PATJ: variants seen among roughly 807,000 people sequenced by gnomAD.
The protein encoded by PATJ is PATJ crumbs cell polarity complex component.
PATJ carries 190 observed loss-of-function variants against 224.9 expected under a neutral mutation model. That is an observed-to-expected ratio of 0.84 (90% confidence interval 0.75 to 0.95). PATJ has a LOEUF of 0.95. PATJ is among the 40% of genes least tolerant of loss of function. The probability of loss-of-function intolerance (pLI) is 0.00; values close to 1 mark genes in which losing one functional copy is unlikely to be tolerated. For missense variants in PATJ, 2,121 were observed against 2,270.3 expected (o/e 0.93, Z 1.34); for synonymous variants, 769 against 820.3 (o/e 0.94, Z 1.07).
intron 17 of PATJ, among the ~76,000 whole-genome samples, chr1:61,834,503 T>C (rs574097081): frequency 6.6e-6 from 1 of 152,316 alleles, no homozygotes; most frequent in Admixed American, 6.5e-5. Flanking sequence ...TGTCATATAT[T>C]CAGACTGCTG....
chr1:62,100,551 C>T, intron 33 of PATJ: 1 of 567,266 alleles, frequency 1.8e-6, no homozygotes, highest in Non-Finnish European at 3.3e-6. Flanking sequence ...TTAATACTGT[C>T]ACAATGGCAA....
chr1:62,105,894 A>T (rs191627779), intron 33 of PATJ, among the ~76,000 whole-genome samples: 1 of 151,104 alleles, frequency 6.6e-6, no homozygotes, highest in African/African-American at 2.4e-5. Flanking sequence ...GAATTTGTAT[A>T]GAAGCCCTTT....
chr1:62,122,389 C>G (rs573887755), intron 38 of PATJ, among the ~76,000 whole-genome samples: 8 of 143,648 alleles, frequency 5.6e-5, no homozygotes, highest in African/African-American at 2.1e-4. Context: ...AAAAAAACCA[C>G]ACACACACAC....
chr1:61,763,047 GA>G lies in PATJ; in HGVS notation c.61del (p.Met21Ter). The G allele has an allele frequency of 6.2e-7, 1 of 1,611,300 alleles. No individual in the cohort carries two copies. Among genetic ancestry groups the G allele is most frequent in the Non-Finnish European group, 8.5e-7 (1 of 1,178,454 alleles). ...AGGTGCTGCAGGTACTTGATCGCCT[GA>G]AAATGAAATTGCAGGAGAAGGGTGA... The part of the protein sequence containing the change: ...LQVLQVLDRL[K>X]MKLQEKGDTS... On this transcript the variant is annotated frameshift_variant, in exon 3 of 44. Coordinates refer to ENST00000642238, the MANE Select transcript of PATJ (RefSeq NM_001350145.3). LOFTEE classifies it high-confidence loss of function.
At chr1:61,750,504 C>T (rs935357917) in intron 1 of PATJ, among the ~76,000 whole-genome samples, 2 of 142,378 alleles carry the variant, frequency 1.4e-5, no homozygotes, top group Non-Finnish European at 3.0e-5. Context: ...GGTGTGGTCT[C>T]GGCTCACCAC....
In PATJ at chr1:61,788,101, A is replaced by AG. The variant is rs201377530; in HGVS notation, c.1068+129_1068+130insG. The AG allele has an allele frequency of 7.7e-4, 517 of 667,336 alleles. 3 individuals are homozygous for AG. In the African/African-American group the frequency reaches 8.6e-3, roughly 11 times the overall value. The allele number at this position is 667,336 out of a possible 1,614,324, so 41.3% of individuals were successfully genotyped here. The stretch of plus-strand genomic sequence containing the variant: ...TGCGCTCACTAGTGAAACAGGAAAA[A>AG]AAAAACTTATTGGGAGACATTAGAC... On this transcript the variant is annotated intron_variant, in intron 8 of 43. Coordinates refer to ENST00000642238, the MANE Select transcript of PATJ (RefSeq NM_001350145.3).
intron 42 of PATJ, among the ~76,000 whole-genome samples, chr1:62,152,770 ACG>A (rs908104013): frequency 2.0e-5 from 3 of 152,240 alleles, no homozygotes; most frequent in African/African-American, 7.2e-5. Flanking sequence ...ACTAGGAGAC[ACG>A]CTACCTCTGT....
chr1:61,792,142 T>C (rs935484330), intron 9 of PATJ, among the ~76,000 whole-genome samples: 1 of 152,204 alleles, frequency 6.6e-6, no homozygotes, highest in African/African-American at 2.4e-5. Context: ...AAAATTGTTA[T>C]TTTGCATACT....
intron 15 of PATJ, among the ~76,000 whole-genome samples, chr1:61,827,005 G>A (rs1658387645): frequency 6.6e-6 from 1 of 152,062 alleles, no homozygotes; most frequent in African/African-American, 2.4e-5. Flanking sequence ...CTTATAAAAT[G>A]AAAATGCAAA....
chr1:61,905,170 A>G (rs1422553100), intron 24 of PATJ, among the ~76,000 whole-genome samples: 1 of 152,240 alleles, frequency 6.6e-6, no homozygotes, highest in Non-Finnish European at 1.5e-5. Flanking sequence ...GAAGGCTGGG[A>G]ACTCCAAGAT....
intron 27 of PATJ, among the ~76,000 whole-genome samples, chr1:61,968,627 G>A (rs1682506755): frequency 6.6e-6 from 1 of 151,984 alleles, no homozygotes; most frequent in Non-Finnish European, 1.5e-5. Flanking sequence ...TGTTACATGT[G>A]TATACGTGTG....
At chr1:61,951,569 T>G (rs1183900189) in intron 27 of PATJ, among the ~76,000 whole-genome samples, 1 of 152,178 alleles carries the variant, frequency 6.6e-6, no homozygotes, top group Non-Finnish European at 1.5e-5. Flanking sequence ...GGGGGTGCAC[T>G]GTAGCACTTT....
At chr1:61,992,002 A>G (rs1307900800) in intron 28 of PATJ, among the ~76,000 whole-genome samples, 1 of 152,224 alleles carries the variant, frequency 6.6e-6, no homozygotes, top group Non-Finnish European at 1.5e-5. Flanking sequence ...AACTGGGTAA[A>G]TAGTATACCT....
At chr1:62,076,722 G>A (rs764890242) in intron 31 of PATJ, among the ~76,000 whole-genome samples, 47 of 152,178 alleles carry the variant, frequency 3.1e-4, no homozygotes, top group South Asian at 2.1e-4. Context: ...TAGAAAAGTC[G>A]TAATTTAGTA....
At chr1:62,082,627 C>T (rs963067406) in intron 32 of PATJ, among the ~76,000 whole-genome samples, 3 of 152,096 alleles carry the variant, frequency 2.0e-5, no homozygotes, top group East Asian at 1.9e-4. Flanking sequence ...GCCACACAAC[C>T]GCTATTGCAG....
At chr1:62,043,876 C>T (rs186976705) in intron 30 of PATJ, among the ~76,000 whole-genome samples, 1 of 152,162 alleles carries the variant, frequency 6.6e-6, no homozygotes, top group East Asian at 1.9e-4. Context: ...TATAGGCACG[C>T]ACCACCATAC....
chr1:62,001,936 G>A (rs1409666352), intron 28 of PATJ, among the ~76,000 whole-genome samples: 2 of 152,172 alleles, frequency 1.3e-5, no homozygotes, highest in Non-Finnish European at 2.9e-5. Flanking sequence ...ACAGCCCAGA[G>A]TTTTTAAAGC....
intron 24 of PATJ, among the ~76,000 whole-genome samples, chr1:61,903,679 T>C (rs1671490796): frequency 6.6e-6 from 1 of 152,196 alleles, no homozygotes; most frequent in Non-Finnish European, 1.5e-5. Flanking sequence ...TGTGGTTTTC[T>C]TCTGTATTCC....
intron 17 of PATJ, among the ~76,000 whole-genome samples, chr1:61,841,196 A>G (rs1315118619): frequency 2.0e-5 from 3 of 151,910 alleles, no homozygotes; most frequent in Non-Finnish European, 2.9e-5. Flanking sequence ...ACAAATTTTA[A>G]TCTTGTTTTA....
Sources: allele counts gnomAD v4.1 joint callset (sites outside exome capture counted in the v4.1 genomes callset), GRCh38; gene constraint gnomAD v4.1.1; transcripts MANE v1.5; gene names NCBI Gene and HGNC (gene_info 2026-07-23, HGNC 2026-07-21).